The following TSPAN9 variants were observed in gnomAD, a reference collection of about 807,000 sequenced individuals.
TSPAN9 encodes tetraspanin 9.
TSPAN9 carries 16 observed loss-of-function variants against 31.0 expected under a neutral mutation model. The ratio of observed to expected loss-of-function variants is 0.52; its 90% CI spans 0.35 to 0.78. The LOEUF is 0.78. Among genes scored for constraint, TSPAN9 ranks in the 30% least tolerant of loss-of-function variants. The pLI is 0.01. For synonymous variants in TSPAN9, 145 were observed against 121.6 expected, an observed-to-expected ratio of 1.19 and a Z score of -1.27; for missense variants, 272 against 312.5, an observed-to-expected ratio of 0.87 and a Z score of 0.98.
At chr12:3,099,324 T>A (rs927351883) in intron 2 of TSPAN9, among the ~76,000 whole-genome samples, 1 of 152,210 alleles carries the variant, frequency 6.6e-6, no homozygotes, top group Non-Finnish European at 1.5e-5. Context: ...TTCCCTCTGG[T>A]GTATTTTTCA....
chr12:3,275,247 G>A (rs1862760690), intron 3 of TSPAN9, among the ~76,000 whole-genome samples: 1 of 152,196 alleles, frequency 6.6e-6, no homozygotes, highest in African/African-American at 2.4e-5. Context: ...GCCCCCCGCT[G>A]CAGGTACACC....
At chr12:3,137,738 C>T (rs1197042633) in intron 2 of TSPAN9, among the ~76,000 whole-genome samples, 1 of 152,180 alleles carries the variant, frequency 6.6e-6, no homozygotes, top group Non-Finnish European at 1.5e-5. Flanking sequence ...GGCCTCTCCT[C>T]TCTCTGTTAC....
At chr12:3,198,240 T>C (rs374955579) in intron 2 of TSPAN9, among the ~76,000 whole-genome samples, 163 of 40,136 alleles carry the variant, frequency 4.1e-3, no homozygotes, top group East Asian at 5.8e-3. Context: ...CCAGCACAGG[T>C]CACCACCAGC....
intron 3 of TSPAN9, among the ~76,000 whole-genome samples, chr12:3,245,961 C>T (rs552842929): frequency 3.3e-5 from 5 of 152,082 alleles, no homozygotes; most frequent in East Asian, 2.0e-4. Context: ...CAGTATCTCC[C>T]TCTATATTGG....
At chr12:3,110,202 G>A (rs781426773) in intron 2 of TSPAN9, among the ~76,000 whole-genome samples, 4 of 152,140 alleles carry the variant, frequency 2.6e-5, no homozygotes, top group Non-Finnish European at 5.9e-5. Context: ...AGGGAAGATA[G>A]GGTGTTAGGT....
chr12:3,177,044 G>T, intron 2 of TSPAN9, among the ~76,000 whole-genome samples: 1 of 152,288 alleles, frequency 6.6e-6, no homozygotes, highest in East Asian at 1.9e-4. Context: ...TGGGGAGGTG[G>T]TGGGACCCCC....
intron 2 of TSPAN9, among the ~76,000 whole-genome samples, chr12:3,105,715 C>T (rs1294789493): frequency 2.0e-5 from 3 of 152,176 alleles, no homozygotes; most frequent in East Asian, 1.9e-4. Context: ...GGCCTAGGGC[C>T]TGCTTTGTGT....
chr12:3,211,609 A>G, intron 3 of TSPAN9: 2 of 906,786 alleles, frequency 2.2e-6, no homozygotes, highest in Non-Finnish European at 3.0e-6. Context: ...TTTTTTTTTT[A>G]TCCAAAATGT....
intron 2 of TSPAN9, among the ~76,000 whole-genome samples, chr12:3,155,110 A>C (rs1291670510): frequency 6.6e-6 from 1 of 152,238 alleles, no homozygotes; most frequent in Non-Finnish European, 1.5e-5. Context: ...CTAATTAAAA[A>C]AAAATTAAAA....
chr12:3,227,311 G>A (rs1453801959), intron 3 of TSPAN9, among the ~76,000 whole-genome samples: 1 of 152,174 alleles, frequency 6.6e-6, no homozygotes, highest in African/African-American at 2.4e-5. Context: ...TGTCCACCAG[G>A]GCTGCGCAGC....
Position 3,174,772 on chromosome 12 carries a change from C to CG in TSPAN9, c.-17-26401dup, listed in dbSNP as rs35481442. The stretch of plus-strand genomic sequence containing the variant: ...TAATTTTTTGTATTTTTAGTAGAGA[C>CG]GGGGTTTCACCGTGTTAGCCAGGAT... On this transcript the variant is annotated intron_variant, in intron 2 of 8. Coordinates refer to ENST00000011898, the MANE Select transcript of TSPAN9 (RefSeq NM_006675.5). Among the ~76,000 whole-genome samples, 834 of 135,480 alleles carry CG rather than the reference C, an allele frequency of 6.2e-3. 12 individuals are homozygous for CG. The highest frequency in any genetic ancestry group is 0.02 in the African/African-American group (776 of 39,394). The allele number at this position is 135,480 out of a possible 152,430, so 88.9% of individuals were successfully genotyped here. A position where few individuals can be genotyped will look rare whatever the true frequency, so the allele number is the denominator to read the frequency against.
intron 3 of TSPAN9, among the ~76,000 whole-genome samples, chr12:3,218,482 T>C (rs1381225692): frequency 6.6e-6 from 1 of 152,212 alleles, no homozygotes; most frequent in Non-Finnish European, 1.5e-5. Flanking sequence ...GTTGGGGCTA[T>C]GATGGCCAGG....
At chr12:3,199,170 T>C (rs1034694689) in intron 2 of TSPAN9, among the ~76,000 whole-genome samples, 1 of 152,118 alleles carries the variant, frequency 6.6e-6, no homozygotes, top group Non-Finnish European at 1.5e-5. Context: ...CAGGGAGGAC[T>C]TTTCACACCC....
intron 3 of TSPAN9, among the ~76,000 whole-genome samples, chr12:3,265,287 A>G (rs1472106382): frequency 6.6e-6 from 1 of 152,188 alleles, no homozygotes; most frequent in Non-Finnish European, 1.5e-5. Context: ...TACATCAGTG[A>G]GTTACAGGCA....
intron 2 of TSPAN9, among the ~76,000 whole-genome samples, chr12:3,133,761 G>A (rs1195010980): frequency 6.6e-6 from 1 of 152,180 alleles, no homozygotes; most frequent in South Asian, 2.1e-4. Flanking sequence ...AGTGCAGAGG[G>A]TGGAGGTTTC....
intron 2 of TSPAN9, among the ~76,000 whole-genome samples, chr12:3,158,961 T>C (rs1356963724): frequency 1.3e-5 from 2 of 151,856 alleles, no homozygotes; most frequent in Non-Finnish European, 2.9e-5. Context: ...GTCACAGATA[T>C]GAAATTAATG....
chr12:3,109,642 CA>C (rs540300634), intron 2 of TSPAN9, among the ~76,000 whole-genome samples: 5 of 151,284 alleles, frequency 3.3e-5, no homozygotes, highest in Admixed American at 6.6e-5. Context: ...ACTAAAAATA[CA>C]AAAAATTAGC....
Position 3,147,031 on chromosome 12 carries a change from T to C in TSPAN9, c.-17-54146T>C, listed in dbSNP as rs1200969526. On this transcript the variant is annotated intron_variant, in intron 2 of 8. Transcript: ENST00000011898. The surrounding 1 kb of genome is among the most constrained non-coding windows in gnomAD (Gnocchi z 4.3). ...GTATTTTGGACATCAAATGGGTAGA[T>C]GTAAGTGAAAGTTCATTGTTGGTAC... Among the ~76,000 whole-genome samples, 1 of 152,182 alleles carries C rather than the reference T, an allele frequency of 6.6e-6. No homozygotes were observed. The highest frequency in any genetic ancestry group is 1.5e-5 in the Non-Finnish European group (1 of 68,032).
intron 3 of TSPAN9, among the ~76,000 whole-genome samples, chr12:3,275,706 G>A (rs1431853118): frequency 1.3e-5 from 2 of 152,248 alleles, no homozygotes; most frequent in Non-Finnish European, 2.9e-5. Context: ...GTGGGTCTCA[G>A]TGTGCCCATT....
Sources: allele counts gnomAD v4.1 joint callset (sites outside exome capture counted in the v4.1 genomes callset), GRCh38; gene constraint gnomAD v4.1.1; non-coding constraint Gnocchi (gnomAD v3.1); transcripts MANE v1.5; gene names NCBI Gene and HGNC (gene_info 2026-07-23, HGNC 2026-07-21).